TMEM63C: variants seen among roughly 807,000 people sequenced by gnomAD.
TMEM63C encodes osmosensitive cation channel TMEM63C.
Under a neutral mutation model 99.2 loss-of-function variants are expected in TMEM63C, and 32 were observed. That is an observed-to-expected ratio of 0.32 (90% CI 0.24 to 0.43). The LOEUF is 0.43. Ranked by LOEUF, TMEM63C falls within the 20% of genes least tolerant of loss-of-function variation. TMEM63C has a pLI of 1.00. For synonymous variants in TMEM63C, 376 were observed against 397.9 expected (o/e 0.94, Z 0.66); for missense variants, 826 against 1,053.0 (o/e 0.78, Z 2.98).
intron 22 of TMEM63C, 150 bp from the exon 23 acceptor site, chr14:77,253,155 A>T: frequency 1.4e-6 from 1 of 704,848 alleles, no homozygotes; most frequent in Non-Finnish European, 2.5e-6. Context: ...CCTGGGTCTC[A>T]GTCTTGCCAG....
chr14:77,225,743 C>T (rs1183737873), intron 6 of TMEM63C, among the ~76,000 whole-genome samples: 3 of 152,308 alleles, frequency 2.0e-5, no homozygotes, highest in East Asian at 3.9e-4. Context: ...AGAAATGCTT[C>T]TGTGAACTCC....
intron 1 of TMEM63C, among the ~76,000 whole-genome samples, chr14:77,187,558 C>T (rs564302029): frequency 1.0e-3 from 159 of 152,332 alleles, no homozygotes; most frequent in African/African-American, 3.6e-3. Flanking sequence ...ATACATGCAG[C>T]TTGTGCTGCA....
At position 77,209,146 on chromosome 14, in the gene TMEM63C, C is replaced by CA. The variant is rs142171314; in HGVS notation, c.-76-4299dup. 5.9e-3 allele frequency among the ~76,000 whole-genome samples: 903 copies of CA among 152,268 alleles called. 6 individuals are homozygous for CA. The highest frequency in any genetic ancestry group is 0.01 in the Non-Finnish European group (711 of 68,004). On this transcript the variant is annotated intron_variant, in intron 1 of 23. Coordinates refer to ENST00000298351, the MANE Select transcript of TMEM63C (RefSeq NM_020431.4). ...TGCACTATGCCCTTTAACTAACACT[C>CA]ATAATCACCCTGGTATAGGCAGGAC... is the stretch of plus-strand genomic sequence containing the variant.
intron 22 of TMEM63C, among the ~76,000 whole-genome samples, chr14:77,252,379 T>C (rs1889383837): frequency 6.6e-6 from 1 of 152,148 alleles, no homozygotes; most frequent in South Asian, 2.1e-4. Flanking sequence ...CTGCCCCACA[T>C]GACTCCTTTG....
chr14:77,194,144 C>G (rs1330053835), intron 1 of TMEM63C, among the ~76,000 whole-genome samples: 3 of 152,176 alleles, frequency 2.0e-5, no homozygotes, highest in Admixed American at 2.0e-4. Context: ...TATCAATCAA[C>G]AAGGACAGAT....
intron 1 of TMEM63C, among the ~76,000 whole-genome samples, chr14:77,193,573 G>A (rs998472507): frequency 2.6e-5 from 4 of 152,166 alleles, no homozygotes; most frequent in East Asian, 1.9e-4. Context: ...GGTGGCTCAC[G>A]CCTGTAATCC....
intron 21 of TMEM63C, among the ~76,000 whole-genome samples, chr14:77,250,584 C>T (rs1010936193): frequency 3.9e-5 from 6 of 152,050 alleles, no homozygotes; most frequent in Non-Finnish European, 8.8e-5. Context: ...GGACTACAGG[C>T]GGGTGCCACC....
Position 77,235,286 on chromosome 14 carries a change from T to C in TMEM63C, c.543-1338T>C, listed in dbSNP as rs181239605. On this transcript the variant is annotated intron_variant, in intron 8 of 23. Transcript: ENST00000298351. ...GCTGGGAGAGAGGGGTCCAGGGAGA[T>C]TGTGATCGGTGGGAGGGGAGGGTCT... Among the ~76,000 whole-genome samples, 261 of 148,952 alleles carry C rather than the reference T, an allele frequency of 1.8e-3. 1 individual carries two copies. Among genetic ancestry groups the C allele is most frequent in the African/African-American group, 6.1e-3 (244 of 40,276 alleles).
chr14:77,237,332 C>A (rs934970123), intron 9 of TMEM63C, among the ~76,000 whole-genome samples: 1 of 152,088 alleles, frequency 6.6e-6, no homozygotes, highest in African/African-American at 2.4e-5. Flanking sequence ...AGATCAGAGA[C>A]CCCCGTGTAT....
intron 1 of TMEM63C, among the ~76,000 whole-genome samples, chr14:77,202,825 GCACA>G (rs60544528): frequency 0.023 from 3,251 of 141,042 alleles, 50 homozygotes; most frequent in Non-Finnish European, 0.023. Flanking sequence ...ACAGGCAGGC[GCACA>G]CACACACACA....
At chr14:77,250,625 A>G (rs1165987107) in intron 21 of TMEM63C, among the ~76,000 whole-genome samples, 1 of 151,870 alleles carries the variant, frequency 6.6e-6, no homozygotes, top group Non-Finnish European at 1.5e-5. Flanking sequence ...ATTTTAGTAG[A>G]GACAGGGTTT....
chr14:77,226,281 C>G (rs1888823298), intron 6 of TMEM63C, among the ~76,000 whole-genome samples: 1 of 152,186 alleles, frequency 6.6e-6, no homozygotes, highest in South Asian at 2.1e-4. Flanking sequence ...AGAGGCCCCT[C>G]TGTCAGGGAC....
At chr14:77,253,244 G>A in intron 22 of TMEM63C, 61 bp from the exon 23 acceptor site, 1 of 1,509,762 alleles carries the variant, frequency 6.6e-7, no homozygotes, top group Non-Finnish European at 9.1e-7. Context: ...AGGCTCCTCT[G>A]GATGAATGGG....
intron 15 of TMEM63C, among the ~76,000 whole-genome samples, chr14:77,243,468 T>C (rs1250732258): frequency 6.6e-6 from 1 of 152,048 alleles, no homozygotes; most frequent in Admixed American, 6.5e-5. Context: ...GTTTGTGTAG[T>C]AGGGTTAAAG....
intron 5 of TMEM63C, among the ~76,000 whole-genome samples, chr14:77,222,446 T>C (rs1170674971): frequency 1.3e-5 from 2 of 152,226 alleles, no homozygotes; most frequent in African/African-American, 2.4e-5. Context: ...GTCCACGCTC[T>C]AGGGCCCTTA....
At chr14:77,203,223 CA>C (rs1368207899) in intron 1 of TMEM63C, among the ~76,000 whole-genome samples, 1 of 151,602 alleles carries the variant, frequency 6.6e-6, no homozygotes, top group African/African-American at 2.4e-5. Context: ...ACTAAAAATA[CA>C]AAAATTAGCC....
intron 5 of TMEM63C, among the ~76,000 whole-genome samples, chr14:77,220,939 TCCC>T (rs1888689486): frequency 1.3e-3 from 8 of 6,264 alleles, no homozygotes; most frequent in African/African-American, 3.3e-3. Context: ...CACCCACGCC[TCCC>T]CTCCCACTCT....
At chr14:77,222,857 C>T (rs1888749714) in intron 5 of TMEM63C, among the ~76,000 whole-genome samples, 1 of 152,194 alleles carries the variant, frequency 6.6e-6, no homozygotes, top group South Asian at 2.1e-4. Flanking sequence ...ACATTTTTAA[C>T]CCTGTCTGTA....
At chr14:77,240,365 T>G in intron 12 of TMEM63C, 110 bp from the exon 13 acceptor site, 1 of 1,317,146 alleles carries the variant, frequency 7.6e-7, no homozygotes, top group Non-Finnish European at 1.0e-6. Flanking sequence ...CTCCTTGAGG[T>G]GCTTCAAGGC....
Sources: allele counts gnomAD v4.1 joint callset (sites outside exome capture counted in the v4.1 genomes callset), GRCh38; gene constraint gnomAD v4.1.1; transcripts MANE v1.5; gene names NCBI Gene and HGNC (gene_info 2026-07-23, HGNC 2026-07-21).